GNAI2: variants seen among roughly 807,000 people sequenced by gnomAD.
GNAI2 encodes the protein G protein subunit alpha i2.
In GNAI2, 4 loss-of-function variants were observed where a neutral mutation model predicts 36.8. That is an observed-to-expected ratio of 0.11 (90% confidence interval 0.05 to 0.25). GNAI2 has a LOEUF of 0.25. Among genes scored for constraint, GNAI2 ranks in the 10% least tolerant of loss-of-function variants. The pLI is 1.00. For missense variants in GNAI2, 230 were observed against 481.3 expected (o/e 0.48, Z 4.89); for synonymous variants, 194 against 194.1 (o/e 1.00, Z 0.01).
chr3:50,230,795 G>A, exon 1 of GNAI2: 1 of 985,336 alleles, frequency 1.0e-6, no homozygotes, highest in Non-Finnish European at 1.2e-6. Flanking sequence ...GGCCTGGTGG[G>A]CATGGGGTCA....
chr3:50,251,008 A>C (rs1489808592), intron 1 of GNAI2, among the ~76,000 whole-genome samples: 1 of 151,902 alleles, frequency 6.6e-6, no homozygotes, highest in Non-Finnish European at 1.5e-5. Flanking sequence ...ATGGGGTTTC[A>C]ACATGTTGGC....
In GNAI2 at chr3:50,251,407, G is replaced by A. The variant is rs114163214; in HGVS notation, c.119-693G>A. On this transcript the variant is annotated intron_variant, in intron 1 of 8. Transcript: ENST00000313601. ...TGTACCAGGCCAGGGAAAAGCTTGA[G>A]TCAGTATGGGCGTGTGTGGGTGTGG... is the stretch of plus-strand genomic sequence containing the variant. The A allele has an allele frequency of 3.6e-4, 367 of 1,017,344 alleles. 3 individuals carry two copies. The African/African-American group carries it at 5.7e-3, about 16-fold the overall frequency. 63.0% of individuals were successfully genotyped at this position (1,017,344 alleles called of 1,614,324 possible).
upstream of GNAI2, among the ~76,000 whole-genome samples, chr3:50,227,889 G>A (rs940945889): frequency 1.3e-5 from 2 of 152,122 alleles, no homozygotes; most frequent in African/African-American, 4.8e-5. The surrounding 1 kb of genome is among the most constrained non-coding windows in gnomAD (Gnocchi z 5.9). Context: ...GCCCACCGCT[G>A]GCCAAGACCC....
intron 1 of GNAI2, chr3:50,251,861 A>C: frequency 8.6e-7 from 1 of 1,165,906 alleles, no homozygotes; most frequent in Non-Finnish European, 1.1e-6. Flanking sequence ...GTGGGAGGCA[A>C]AGGCCTGCAG....
intron 1 of GNAI2, among the ~76,000 whole-genome samples, chr3:50,248,388 C>T (rs1700470623): frequency 6.6e-6 from 1 of 152,158 alleles, no homozygotes; most frequent in Non-Finnish European, 1.5e-5. Context: ...GGAAAGAGGA[C>T]CCAGCCAGAG....
chr3:50,256,237 C>T lies in GNAI2; in HGVS notation c.510C>T (p.Pro170=), dbSNP rs1700700364. The change falls in exon 5 of 9, where the codon CCC becomes CCT. Residue 170 remains proline, a synonymous_variant. Coordinates refer to ENST00000313601, the MANE Select transcript of GNAI2 (RefSeq NM_002070.4). ...LERIAQSDYI[P]TQQDVLRTRV... The stretch of plus-strand genomic sequence containing the variant: ...GTATTGCACAGAGTGACTACATCCC[C>T]ACACAGCAAGATGTGCTACGGACCC... 1 of 1,609,268 alleles carries T rather than the reference C, an allele frequency of 6.2e-7. No homozygotes were observed. Among genetic ancestry groups the T allele is most frequent in the Non-Finnish European group, 8.5e-7 (1 of 1,175,986 alleles).
At chr3:50,230,842 A>C in exon 1 of GNAI2, 1 of 985,510 alleles carries the variant, frequency 1.0e-6, no homozygotes, top group Non-Finnish European at 1.2e-6. Flanking sequence ...GGCCCTGGCT[A>C]GGCAGCTGCC....
chr3:50,231,279 GGATT>G (rs1700061435), upstream of GNAI2, among the ~76,000 whole-genome samples: 4 of 152,260 alleles, frequency 2.6e-5, no homozygotes, highest in South Asian at 4.2e-4. Flanking sequence ...ATTGATTGAT[GGATT>G]GATTGATTGA....
chr3:50,236,341 C>G lies in GNAI2; in HGVS notation c.6C>G (p.Gly2=). The G allele has an allele frequency of 6.6e-7, 1 of 1,505,286 alleles. No homozygotes were observed. The highest frequency in any genetic ancestry group is 2.8e-5 in the East Asian group (1 of 35,870). The allele number at this position is 1,505,286 out of a possible 1,614,324, so 93.2% of individuals were successfully genotyped here. A position where few individuals can be genotyped will look rare whatever the true frequency, so the allele number is the denominator to read the frequency against. The stretch of plus-strand genomic sequence containing the variant: ...CCGGGCCGGCGGACGGCGGGATGGG[C>G]TGCACCGTGAGCGCCGAGGACAAGG... M[G]CTVSAEDKAA... is the part of the protein sequence containing the mutation. Residue 2 remains glycine (G), a synonymous_variant, in exon 1 of 9, where the codon GGC becomes GGG. Coordinates refer to ENST00000313601, the MANE Select transcript of GNAI2 (RefSeq NM_002070.4). The surrounding 1 kb of genome is among the most constrained non-coding windows in gnomAD (Gnocchi z 4.0).
At chr3:50,251,653 G>A in intron 1 of GNAI2, 4 of 1,335,438 alleles carry the variant, frequency 3.0e-6, no homozygotes, top group Non-Finnish European at 3.9e-6. Flanking sequence ...GTGGGGAGAA[G>A]AAGGGCTGCT....
At chr3:50,235,480 C>G (rs1331455556), upstream of GNAI2, among the ~76,000 whole-genome samples, 6 of 152,030 alleles carry the variant, frequency 3.9e-5, no homozygotes, top group Non-Finnish European at 7.4e-5. Context: ...CGACCACGCC[C>G]GGGTAATTTT....
chr3:50,246,800 A>G, intron 1 of GNAI2: 1 of 807,172 alleles, frequency 1.2e-6, no homozygotes, highest in Non-Finnish European at 1.8e-6. Flanking sequence ...GTCAGCAGTG[A>G]GGCTCCTGGG....
chr3:50,236,561 G>A lies in GNAI2; in HGVS notation c.118+108G>A, dbSNP rs1553700429. 7.0e-7 allele frequency: 1 copy of A among 1,427,844 alleles called. No homozygotes were observed. Among genetic ancestry groups the A allele is most frequent in the African/African-American group, 1.5e-5 (1 of 65,726 alleles). The allele number at this position is 1,427,844 out of a possible 1,614,324, so 88.4% of individuals were successfully genotyped here. On this transcript the variant is annotated intron_variant, in intron 1 of 8. Transcript: ENST00000313601. The surrounding 1 kb of genome is among the most constrained non-coding windows in gnomAD (Gnocchi z 4.0). ...CAAACTCCCAGACCCGGGCTGTCTG[G>A]GACCCCACACCTGGGCCAGGACCAG... is the stretch of plus-strand genomic sequence containing the variant.
At position 50,253,009 on chromosome 3, in the gene GNAI2, C is replaced by A; in HGVS notation, c.304-15C>A. The A allele has an allele frequency of 6.4e-7, 1 of 1,568,556 alleles. No homozygotes were observed. Among genetic ancestry groups the A allele is most frequent in the Non-Finnish European group, 8.7e-7 (1 of 1,148,186 alleles). On this transcript the variant is annotated splice_polypyrimidine_tract_variant and intron_variant, in intron 3 of 8. Transcript: ENST00000313601. The surrounding 1 kb of genome is among the most constrained non-coding windows in gnomAD (Gnocchi z 4.2). ...ACATTCCTTCAACTGCCTGACCACC[C>A]GCCACTGTGCCCAGGACGACGCCAG...
chr3:50,252,551 C>T lies in GNAI2; in HGVS notation c.303+13C>T, dbSNP rs782729846. On this transcript the variant is annotated intron_variant, in intron 3 of 8. Coordinates refer to ENST00000313601, the MANE Select transcript of GNAI2 (RefSeq NM_002070.4). This position sits in a 1 kb window ranked among gnomAD's most constrained non-coding sequence, Gnocchi z 4.1. ...CCCCTCCAGAGCGGTATGTGCCCTC[C>T]GCCCCACCCTCTCCCACCTCCCAAA... 3.1e-5 allele frequency: 50 copies of T among 1,607,198 alleles called. No homozygotes were observed. The highest frequency in any genetic ancestry group is 1.7e-4 in the Middle Eastern group (1 of 5,938).
At position 50,255,998 on chromosome 3, in the gene GNAI2, A is replaced by G. The variant is rs1366583586; in HGVS notation, c.465-194A>G. On this transcript the variant is annotated intron_variant, in intron 4 of 8. Coordinates refer to ENST00000313601, the MANE Select transcript of GNAI2 (RefSeq NM_002070.4). This position sits in a 1 kb window ranked among gnomAD's most constrained non-coding sequence, Gnocchi z 4.0. ...CAGGCAGAGGTTGCAGTGAGCCAAG[A>G]TCATGCCACTGCACTCCAGCCTGGC... Among the ~76,000 whole-genome samples, 1 of 144,842 alleles carries G rather than the reference A, an allele frequency of 6.9e-6. No homozygotes were observed. Among genetic ancestry groups the G allele is most frequent in the East Asian group, 2.1e-4 (1 of 4,794 alleles).
At position 50,238,178 on chromosome 3, in the gene GNAI2, TGCC is replaced by T. The variant is rs1259199956; in HGVS notation, c.118+1726_118+1728del. ...GAATGCCCGTCGCTGCTGCTGCTGCTGCCCGACGGGCCTGGGGAGGGCACTTCC... is the reference window on the plus strand; with the variant it reads ...GAATGCCCGTCGCTGCTGCTGCTGCTCGACGGGCCTGGGGAGGGCACTTCC... On this transcript the variant is annotated intron_variant, in intron 1 of 8. Transcript: ENST00000313601. This position sits in a 1 kb window ranked among gnomAD's most constrained non-coding sequence, Gnocchi z 5.0. The T allele has an allele frequency of 6.6e-6, 1 of 152,216 alleles. No homozygotes were observed. The highest frequency in any genetic ancestry group is 1.5e-5 in the Non-Finnish European group (1 of 68,030). The allele number at this position is 152,216 out of a possible 1,614,324, so 9.4% of individuals were successfully genotyped here. A position where few individuals can be genotyped will look rare whatever the true frequency, so the allele number is the denominator to read the frequency against.
At chr3:50,236,117 C>A (rs147324172), upstream of GNAI2, 2 of 1,031,812 alleles carry the variant, frequency 1.9e-6, no homozygotes, top group Non-Finnish European at 2.4e-6. This position sits in a 1 kb window ranked among gnomAD's most constrained non-coding sequence, Gnocchi z 4.0. Flanking sequence ...AAGCCCGCCC[C>A]GGCCCAGTCA....
rs782449230 is a variant in GNAI2, at chr3:50,252,735, G to A, written c.303+197G>A. ...AAAAATTAGCCGAGCATGGTGGCAC[G>A]TGCCTGTAATCCCAGCTACTTGGGA... On this transcript the variant is annotated intron_variant, in intron 3 of 8. Transcript: ENST00000313601. This position sits in a 1 kb window ranked among gnomAD's most constrained non-coding sequence, Gnocchi z 4.1. Among the ~76,000 whole-genome samples, 1 of 152,144 alleles carries A rather than the reference G, an allele frequency of 6.6e-6. No homozygotes were observed. Among genetic ancestry groups the A allele is most frequent in the Non-Finnish European group, 1.5e-5 (1 of 68,032 alleles).
Sources: allele counts gnomAD v4.1 joint callset (sites outside exome capture counted in the v4.1 genomes callset), GRCh38; gene constraint gnomAD v4.1.1; non-coding constraint Gnocchi (gnomAD v3.1); transcripts MANE v1.5; gene names NCBI Gene and HGNC (gene_info 2026-07-23, HGNC 2026-07-21).